RBL1: variants seen among roughly 807,000 people sequenced by gnomAD.
RBL1 encodes RB transcriptional corepressor like 1, also known as retinoblastoma-like protein 1.
Under a neutral mutation model 123.0 loss-of-function variants are expected in RBL1, and 82 were observed. The ratio of observed to expected loss-of-function variants is 0.67; its 90% CI spans 0.56 to 0.80. The LOEUF (loss-of-function observed/expected upper bound fraction) is 0.80. RBL1 is among the 30% of genes least tolerant of loss of function. RBL1 has a pLI of 0.00. For missense variants in RBL1, 1,171 were observed against 1,299.6 expected (o/e 0.90, Z 1.52); for synonymous variants, 405 against 441.3 (o/e 0.92, Z 1.03).
At chr20:37,058,270 C>G (rs960689689) in intron 9 of RBL1, among the ~76,000 whole-genome samples, 8 of 151,952 alleles carry the variant, frequency 5.3e-5, no homozygotes, top group African/African-American at 1.9e-4. Flanking sequence ...GTAATCCCAG[C>G]ACTTTGCGAG....
chr20:36,999,257 T>G (rs1339200192), intron 21 of RBL1, among the ~76,000 whole-genome samples: 1 of 151,730 alleles, frequency 6.6e-6, no homozygotes, highest in Admixed American at 6.6e-5. Context: ...AATACAAAAA[T>G]TAGCCAGGTG....
intron 6 of RBL1, among the ~76,000 whole-genome samples, chr20:37,066,409 G>A (rs764253092): frequency 1.3e-5 from 2 of 152,168 alleles, no homozygotes; most frequent in Non-Finnish European, 2.9e-5. Flanking sequence ...AGCTTATTCT[G>A]ACCTCCTGTT....
At chr20:37,069,109 G>A (rs1367477596) in intron 2 of RBL1, among the ~76,000 whole-genome samples, 2 of 152,276 alleles carry the variant, frequency 1.3e-5, no homozygotes, top group Non-Finnish European at 2.9e-5. Flanking sequence ...CGAGGTGCCG[G>A]GATTGCAGAC....
intron 15 of RBL1, among the ~76,000 whole-genome samples, chr20:37,033,478 C>T (rs942423378): frequency 1.3e-5 from 2 of 150,872 alleles, no homozygotes; most frequent in Admixed American, 6.6e-5. Flanking sequence ...CTACTGTGCC[C>T]GGCTTGTATT....
intron 17 of RBL1, chr20:37,021,700 C>T (rs956551869): frequency 3.2e-5 from 5 of 155,416 alleles, no homozygotes; most frequent in African/African-American, 1.2e-4. Context: ...GCCTTGGCCT[C>T]CCAAAGTGCT....
intron 2 of RBL1, among the ~76,000 whole-genome samples, chr20:37,069,847 G>A (rs61363351): frequency 0.14 from 20,803 of 150,386 alleles, 2,107 homozygotes; most frequent in East Asian, 0.48. Context: ...GAGGGAGGTG[G>A]GGGGGTCAGC....
intron 21 of RBL1, among the ~76,000 whole-genome samples, chr20:37,000,754 C>T (rs1204977978): frequency 9.0e-5 from 12 of 133,992 alleles, no homozygotes; most frequent in South Asian, 7.1e-4. Flanking sequence ...CCAGCCGCCC[C>T]GTCCAGGAGG....
At chr20:37,060,756 C>T (rs1218369027) in intron 9 of RBL1, among the ~76,000 whole-genome samples, 2 of 151,184 alleles carry the variant, frequency 1.3e-5, no homozygotes, top group Non-Finnish European at 2.9e-5. Flanking sequence ...GCACTCCAGC[C>T]TGGGAGACAT....
intron 13 of RBL1, among the ~76,000 whole-genome samples, chr20:37,042,595 C>T (rs1389669338): frequency 6.6e-6 from 1 of 151,976 alleles, no homozygotes; most frequent in Non-Finnish European, 1.5e-5. Context: ...ATGTTCATAG[C>T]AGCATCAATC....
At chr20:37,019,255 A>G (rs2064304304) in intron 18 of RBL1, among the ~76,000 whole-genome samples, 1 of 151,994 alleles carries the variant, frequency 6.6e-6, no homozygotes, top group African/African-American at 2.4e-5. Context: ...CCCCCAGCCC[A>G]TTCCCATCTC....
chr20:37,026,487 C>T (rs1420031382), intron 16 of RBL1, among the ~76,000 whole-genome samples: 8 of 150,912 alleles, frequency 5.3e-5, no homozygotes, highest in African/African-American at 1.2e-4. Flanking sequence ...GGGTGGATCA[C>T]GAGGTCAGAA....
intron 2 of RBL1, among the ~76,000 whole-genome samples, chr20:37,085,541 G>A (rs1042633640): frequency 9.2e-5 from 14 of 151,692 alleles, no homozygotes; most frequent in Admixed American, 5.3e-4. Context: ...AACCTTTACC[G>A]TTGTAACCAC....
intron 2 of RBL1, among the ~76,000 whole-genome samples, chr20:37,074,875 C>T (rs2065339541): frequency 6.6e-6 from 1 of 152,114 alleles, no homozygotes; most frequent in Non-Finnish European, 1.5e-5. Context: ...TTCCACTCCT[C>T]TCCATATATA....
At chr20:37,072,110 T>C (rs2065290620) in intron 2 of RBL1, among the ~76,000 whole-genome samples, 1 of 152,132 alleles carries the variant, frequency 6.6e-6, no homozygotes, top group African/African-American at 2.4e-5. Context: ...AGCAAAAAAT[T>C]TGTCAGATTA....
chr20:37,046,998 G>A (rs1311040400), intron 12 of RBL1, 55 bp downstream of exon 12: 2 of 1,519,208 alleles, frequency 1.3e-6, no homozygotes, highest in Admixed American at 2.6e-5. Flanking sequence ...TAAATACAAT[G>A]TTTCTGTGAG....
intron 9 of RBL1, among the ~76,000 whole-genome samples, chr20:37,060,262 G>A (rs2065072173): frequency 6.6e-6 from 1 of 151,846 alleles, no homozygotes; most frequent in South Asian, 2.1e-4. Flanking sequence ...CCTATCTAAT[G>A]GACATTTAGA....
intron 21 of RBL1, among the ~76,000 whole-genome samples, chr20:36,999,218 GC>G (rs2063923607): frequency 1.3e-5 from 2 of 152,064 alleles, no homozygotes; most frequent in South Asian, 4.2e-4. Flanking sequence ...ACCAGCCTGG[GC>G]AACATGGCAA....
chr20:37,055,530 G>A (rs1371994753), intron 11 of RBL1, 23 bp downstream of exon 11: 1 of 1,613,632 alleles, frequency 6.2e-7, no homozygotes, highest in Non-Finnish European at 8.5e-7. Context: ...CTTGCCAGTA[G>A]CTCAGAGAGT....
chr20:37,001,046 G>A (rs1375621769), intron 21 of RBL1, among the ~76,000 whole-genome samples: 1 of 141,170 alleles, frequency 7.1e-6, no homozygotes, highest in Non-Finnish European at 1.5e-5. Flanking sequence ...CCCCCCACCC[G>A]GCCAGCCGCC....
Sources: gnomAD v4.1 joint callset for allele counts (sites outside exome capture counted in the v4.1 genomes callset) on GRCh38, gnomAD v4.1.1 for gene constraint, MANE v1.5 for transcripts, NCBI Gene and HGNC (gene_info 2026-07-23, HGNC 2026-07-21) for gene names.